SHISA9: variants seen among roughly 807,000 people sequenced by gnomAD.
SHISA9 encodes protein shisa-9.
A neutral mutation model predicts 38.0 loss-of-function variants in SHISA9; 13 were observed. The ratio of observed to expected loss-of-function variants is 0.34; its 90% CI spans 0.22 to 0.54. The LOEUF (loss-of-function observed/expected upper bound fraction) is 0.54. Among genes scored for constraint, SHISA9 ranks in the 20% least tolerant of loss-of-function variants. The pLI is 0.91. For missense variants in SHISA9, 538 were observed against 575.8 expected, an observed-to-expected ratio of 0.93 and a Z score of 0.67; for synonymous variants, 275 against 242.0, an observed-to-expected ratio of 1.14 and a Z score of -1.27.
the SHISA9 span, among the ~76,000 whole-genome samples, chr16:13,493,279 A>G: frequency 0.033 from 5,042 of 152,242 alleles, 134 homozygotes; most frequent in Middle Eastern, 0.12. Context: ...TCACAAAGCT[A>G]TTACAGATTT....
chr16:12,908,341 G>A, intron 1 of SHISA9: 1 of 1,369,050 alleles, frequency 7.3e-7, no homozygotes, highest in Non-Finnish European at 9.8e-7. Context: ...AGGAGGGAGG[G>A]TCTATATGTG....
the SHISA9 span, among the ~76,000 whole-genome samples, chr16:13,489,211 C>G: frequency 6.6e-6 from 1 of 152,098 alleles, no homozygotes; most frequent in Non-Finnish European, 1.5e-5. Flanking sequence ...CCACACCCGG[C>G]TAATTTTTTT....
At chr16:13,439,752 G>A in the SHISA9 span, among the ~76,000 whole-genome samples, 1 of 152,200 alleles carries the variant, frequency 6.6e-6, no homozygotes, top group Admixed American at 6.5e-5. Context: ...CTCATTAAAT[G>A]TCTCCGCTGC....
intron 2 of SHISA9, among the ~76,000 whole-genome samples, chr16:13,124,096 C>T (rs897486452): frequency 1.3e-5 from 2 of 152,176 alleles, no homozygotes; most frequent in South Asian, 4.1e-4. Flanking sequence ...GACTCTAATG[C>T]CCCCTTCCCA....
chr16:13,100,300 GTTTTA>G lies in SHISA9; in HGVS notation c.692-103080_692-103076del, dbSNP rs138081303. ...TACTGAATACAAGGATTTGGGCTTT[GTTTTA>G]TTTTATTTTATTTATTTTTTTGAGT... On this transcript the variant is annotated intron_variant, in intron 2 of 4. Transcript: ENST00000558583. Among the ~76,000 whole-genome samples the G allele has an allele frequency of 2.0e-3, 306 of 152,310 alleles. 3 individuals carry two copies. The highest frequency in any genetic ancestry group is 6.9e-3 in the African/African-American group (286 of 41,578).
chr16:13,262,059 T>A, the SHISA9 span, among the ~76,000 whole-genome samples: 20,985 of 152,122 alleles, frequency 0.14, 1,525 homozygotes, highest in Middle Eastern at 0.18. Flanking sequence ...TCAGTCAGAC[T>A]CAGAAAATTG....
chr16:13,031,466 G>C lies in SHISA9; in HGVS notation c.691+114651G>C, dbSNP rs187895966. ...ATGATACAGGCACCAACCAGTAACT[G>C]TGCAAAGGCTTATATTTCAGTGCAA... On this transcript the variant is annotated intron_variant, in intron 2 of 4. Coordinates refer to ENST00000558583, the MANE Select transcript of SHISA9 (RefSeq NM_001145204.3). Among the ~76,000 whole-genome samples, 32 of 152,272 alleles carry C rather than the reference G, an allele frequency of 2.1e-4. 1 individual carries two copies. The East Asian group carries it at 6.2e-3, about 29-fold the overall frequency.
chr16:13,389,487 C>CT, the SHISA9 span, among the ~76,000 whole-genome samples: 1,189 of 152,274 alleles, frequency 7.8e-3, 15 homozygotes, highest in African/African-American at 0.027. Context: ...AAATATTATG[C>CT]TGTACATCTT....
the SHISA9 span, among the ~76,000 whole-genome samples, chr16:13,453,160 T>C: frequency 6.6e-6 from 1 of 152,102 alleles, no homozygotes; most frequent in African/African-American, 2.4e-5. Context: ...AGTGCTGGGA[T>C]TACAGGTGTG....
At position 13,237,671 on chromosome 16, in the gene SHISA9, A is replaced by AG; in HGVS notation, c.*2263dup. Reference sequence around the variant, plus strand: ...GACTATCTCAAAAAAAAAAAAAAAAAGAAAAAAAAAGAGATCTTTCAAAGA... The same window carrying AG: ...GACTATCTCAAAAAAAAAAAAAAAAAGGAAAAAAAAAGAGATCTTTCAAAGA... On this transcript the variant is annotated 3_prime_UTR_variant, in exon 5 of 5. Transcript: ENST00000558583. 1 of 150,194 alleles carries AG rather than the reference A, an allele frequency of 6.7e-6. No individual in the cohort carries two copies. Among genetic ancestry groups the AG allele is most frequent in the East Asian group, 1.9e-4 (1 of 5,130 alleles). The allele number at this position is 150,194 out of a possible 1,614,324, so 9.3% of individuals were successfully genotyped here.
the SHISA9 span, among the ~76,000 whole-genome samples, chr16:13,540,139 C>G: frequency 6.6e-6 from 1 of 152,058 alleles, no homozygotes; most frequent in Non-Finnish European, 1.5e-5. Context: ...TAAATCCTTT[C>G]AACTCAGTGT....
the SHISA9 span, among the ~76,000 whole-genome samples, chr16:13,287,127 A>T: frequency 1.3e-5 from 2 of 152,186 alleles, no homozygotes; most frequent in African/African-American, 2.4e-5. Flanking sequence ...TATTTAAAAC[A>T]CTGTAACATG....
At chr16:13,282,335 T>C in the SHISA9 span, among the ~76,000 whole-genome samples, 2 of 152,030 alleles carry the variant, frequency 1.3e-5, no homozygotes, top group Non-Finnish European at 2.9e-5. Flanking sequence ...TTATTGTTTC[T>C]GGCCTCCCTT....
chr16:13,525,098 G>A, the SHISA9 span, among the ~76,000 whole-genome samples: 1 of 152,090 alleles, frequency 6.6e-6, no homozygotes, highest in East Asian at 1.9e-4. Flanking sequence ...GAGGTTTCTG[G>A]CCCTATCACC....
At chr16:13,025,486 G>A (rs11640318) in intron 2 of SHISA9, among the ~76,000 whole-genome samples, 12,932 of 152,250 alleles carry the variant, frequency 0.085, 629 homozygotes, top group East Asian at 0.13. Context: ...AGGAGCTTTA[G>A]AAAATAGCGA....
intron 2 of SHISA9, among the ~76,000 whole-genome samples, chr16:13,200,325 G>C (rs1301801789): frequency 6.6e-6 from 1 of 151,792 alleles, no homozygotes; most frequent in Admixed American, 6.6e-5. Flanking sequence ...CACGGTAACT[G>C]TCTTAGTTTG....
At chr16:12,943,755 C>T (rs2071653617) in intron 2 of SHISA9, among the ~76,000 whole-genome samples, 1 of 152,108 alleles carries the variant, frequency 6.6e-6, no homozygotes, top group African/African-American at 2.4e-5. Flanking sequence ...TGTTAGAAAA[C>T]ACCCTGCCTC....
the SHISA9 span, among the ~76,000 whole-genome samples, chr16:13,372,128 G>A: frequency 1.3e-5 from 2 of 152,204 alleles, no homozygotes; most frequent in Admixed American, 1.3e-4. Flanking sequence ...GTCTGTGCTA[G>A]GGTGGGGAGT....
intron 2 of SHISA9, among the ~76,000 whole-genome samples, chr16:13,195,715 T>A (rs2050931761): frequency 6.6e-6 from 1 of 152,186 alleles, no homozygotes; most frequent in African/African-American, 2.4e-5. Context: ...TGCTATGTTA[T>A]GAGAATGTCA....
Sources: allele counts gnomAD v4.1 joint callset (sites outside exome capture counted in the v4.1 genomes callset), GRCh38; gene constraint gnomAD v4.1.1; transcripts MANE v1.5; gene names NCBI Gene and HGNC (gene_info 2026-07-23, HGNC 2026-07-21).